Variants in CDH18 observed in about 807,000 individuals in gnomAD.
CDH18 encodes the protein cadherin 18, also known as cadherin-18.
A neutral mutation model predicts 67.9 loss-of-function variants in CDH18; 31 were observed. The observed-to-expected ratio is 0.46, with a 90% CI of 0.34 to 0.62. CDH18 has a LOEUF of 0.62. CDH18 is among the 20% of genes least tolerant of loss of function. The pLI is 0.01. For synonymous variants in CDH18, 362 were observed against 347.2 expected, an observed-to-expected ratio of 1.04 and a Z score of -0.48; for missense variants, 890 against 975.5, an observed-to-expected ratio of 0.91 and a Z score of 1.17.
chr5:19,787,821 ATATATATG>A (rs1483815654), intron 3 of CDH18, among the ~76,000 whole-genome samples: 4 of 150,184 alleles, frequency 2.7e-5, no homozygotes, highest in African/African-American at 7.3e-5. Context: ...ATATATATAT[ATATATATG>A]TTTACATGTA....
chr5:19,718,393 GCTT>G (rs1206509285), intron 5 of CDH18, among the ~76,000 whole-genome samples: 1 of 151,926 alleles, frequency 6.6e-6, no homozygotes, highest in Non-Finnish European at 1.5e-5. Context: ...CTATTTCCAT[GCTT>G]CTTATATAAC....
chr5:20,475,734 G>A (rs948064207), intron 1 of CDH18, among the ~76,000 whole-genome samples: 1 of 152,080 alleles, frequency 6.6e-6, no homozygotes, highest in Non-Finnish European at 1.5e-5. Context: ...ATTGCAACTA[G>A]TTTTCCCCTG....
At chr5:20,092,806 A>T (rs1745557575) in intron 2 of CDH18, among the ~76,000 whole-genome samples, 1 of 152,136 alleles carries the variant, frequency 6.6e-6, no homozygotes, top group Non-Finnish European at 1.5e-5. Context: ...ATATGTATAA[A>T]AAGCAAGTTC....
chr5:19,757,891 C>T (rs1448243126), intron 3 of CDH18, among the ~76,000 whole-genome samples: 1 of 152,190 alleles, frequency 6.6e-6, no homozygotes, highest in Non-Finnish European at 1.5e-5. Flanking sequence ...CACCGTTGTC[C>T]TTCAGGGATG....
At chr5:19,616,792 A>G (rs1247421387) in intron 5 of CDH18, among the ~76,000 whole-genome samples, 2 of 152,182 alleles carry the variant, frequency 1.3e-5, no homozygotes, top group African/African-American at 2.4e-5. Flanking sequence ...GAAGCTAGAA[A>G]GTCCAAGATC....
chr5:20,181,078 C>G (rs1443741600), intron 2 of CDH18, among the ~76,000 whole-genome samples: 2 of 152,088 alleles, frequency 1.3e-5, no homozygotes, highest in African/African-American at 4.8e-5. Context: ...TTAAATTCCA[C>G]AAGGTGCACA....
intron 6 of CDH18, among the ~76,000 whole-genome samples, chr5:19,602,520 T>C (rs968482306): frequency 2.6e-5 from 4 of 151,328 alleles, no homozygotes; most frequent in Non-Finnish European, 5.9e-5. Context: ...AATAGACATC[T>C]CTCCAAAAAA....
rs35649445 is a variant in CDH18 at position 20,162,501 on chromosome 5, CAT to C, written c.-518+92941_-518+92942del. ...TGGTAATAGACATATATATAATAGACATATATATATATATATATAGTGACTCA... is the reference window on the plus strand; with the variant it reads ...TGGTAATAGACATATATATAATAGACATATATATATATATATAGTGACTCA... On this transcript the variant is annotated intron_variant, in intron 2 of 14. Transcript: ENST00000507958. 3.2e-3 allele frequency among the ~76,000 whole-genome samples: 460 copies of C among 143,614 alleles called. 4 individuals are homozygous for C. The highest frequency in any genetic ancestry group is 8.1e-3 in the African/African-American group (316 of 39,244). 94.2% of individuals were successfully genotyped at this position (143,614 alleles called of 152,430 possible). A position where few individuals can be genotyped will look rare whatever the true frequency, so the allele number is the denominator to read the frequency against.
intron 1 of CDH18, among the ~76,000 whole-genome samples, chr5:20,360,381 A>G (rs745419047): frequency 6.6e-6 from 1 of 152,108 alleles, no homozygotes; most frequent in Non-Finnish European, 1.5e-5. Flanking sequence ...ATGTTTGAAG[A>G]TTTATAACTG....
chr5:19,828,386 A>G (rs987146049), intron 3 of CDH18, among the ~76,000 whole-genome samples: 1 of 152,148 alleles, frequency 6.6e-6, no homozygotes, highest in Admixed American at 6.6e-5. Context: ...CATCATCCTG[A>G]TACAAAAATC....
intron 1 of CDH18, among the ~76,000 whole-genome samples, chr5:20,348,351 A>G (rs756126595): frequency 6.6e-6 from 1 of 152,142 alleles, no homozygotes; most frequent in Non-Finnish European, 1.5e-5. Context: ...TACAAGAGAA[A>G]ATACTAATGC....
chr5:20,171,564 G>T (rs1037233870), intron 2 of CDH18, among the ~76,000 whole-genome samples: 1 of 151,652 alleles, frequency 6.6e-6, no homozygotes, highest in African/African-American at 2.4e-5. Context: ...TAATTAGGTT[G>T]TTTGTTTTTT....
intron 3 of CDH18, among the ~76,000 whole-genome samples, chr5:19,777,689 C>T (rs1457826140): frequency 6.6e-6 from 1 of 152,178 alleles, no homozygotes; most frequent in Non-Finnish European, 1.5e-5. Flanking sequence ...AAATAAATAT[C>T]TTACAGCCTT....
At chr5:20,125,701 A>AT (rs1032776084) in intron 2 of CDH18, among the ~76,000 whole-genome samples, 2 of 152,234 alleles carry the variant, frequency 1.3e-5, no homozygotes, top group African/African-American at 2.4e-5. Context: ...ACATGCATCA[A>AT]TTTTTTTAAA....
intron 2 of CDH18, among the ~76,000 whole-genome samples, chr5:19,960,634 T>C (rs533857109): frequency 0.014 from 1,640 of 119,372 alleles, 138 homozygotes; most frequent in African/African-American, 0.087. Flanking sequence ...CACGTGTATA[T>C]GTATACATAT....
chr5:19,713,931 A>T (rs1765032379), intron 5 of CDH18, among the ~76,000 whole-genome samples: 1 of 152,138 alleles, frequency 6.6e-6, no homozygotes, highest in East Asian at 1.9e-4. Flanking sequence ...AAGCCAGCTC[A>T]ACACCTGCCT....
chr5:20,109,712 T>C (rs1470082395), intron 2 of CDH18, among the ~76,000 whole-genome samples: 2 of 152,226 alleles, frequency 1.3e-5, no homozygotes, highest in African/African-American at 2.4e-5. Flanking sequence ...ATTTTTTGCT[T>C]ATTTAATTGT....
At chr5:20,126,751 A>G (rs1449029915) in intron 2 of CDH18, among the ~76,000 whole-genome samples, 1 of 152,204 alleles carries the variant, frequency 6.6e-6, no homozygotes, top group Non-Finnish European at 1.5e-5. Flanking sequence ...AATAAAAATC[A>G]AAATTACAAT....
At chr5:20,027,229 T>C (rs1247944022) in intron 2 of CDH18, among the ~76,000 whole-genome samples, 1 of 152,166 alleles carries the variant, frequency 6.6e-6, no homozygotes, top group Non-Finnish European at 1.5e-5. Flanking sequence ...GATTAAACTA[T>C]GTGTTTGAAT....
Sources: allele counts gnomAD v4.1 joint callset (sites outside exome capture counted in the v4.1 genomes callset), GRCh38; gene constraint gnomAD v4.1.1; transcripts MANE v1.5; gene names NCBI Gene and HGNC (gene_info 2026-07-23, HGNC 2026-07-21).